The following TRERF1 variants were observed in gnomAD, a reference collection of about 807,000 sequenced individuals.
TRERF1 encodes the protein transcriptional regulating factor 1, also known as transcriptional-regulating factor 1.
TRERF1 carries 27 observed loss-of-function variants against 122.9 expected under a neutral mutation model. That is an observed-to-expected ratio of 0.22 (90% confidence interval 0.16 to 0.30). TRERF1 has a LOEUF of 0.30. Ranked by LOEUF, TRERF1 falls within the 10% of genes least tolerant of loss-of-function variation. The pLI, the probability that TRERF1 is intolerant of heterozygous loss-of-function variation, is 1.00. For missense variants in TRERF1, 1,248 were observed against 1,560.3 expected (o/e 0.80, Z 3.37); for synonymous variants, 636 against 641.7 (o/e 0.99, Z 0.13).
intron 2 of TRERF1, among the ~76,000 whole-genome samples, chr6:42,426,243 TAACTC>T (rs368984877): frequency 2.6e-5 from 4 of 152,278 alleles, no homozygotes; most frequent in African/African-American, 7.2e-5. Context: ...TGACATATCT[TAACTC>T]AGCAAGAAAT....
chr6:42,422,602 C>T (rs1262204114), intron 2 of TRERF1, among the ~76,000 whole-genome samples: 3 of 152,046 alleles, frequency 2.0e-5, no homozygotes, highest in African/African-American at 7.2e-5. Flanking sequence ...TACTCTGCTC[C>T]ACCTTCCACC....
chr6:42,362,147 C>T (rs1191367396), intron 3 of TRERF1, among the ~76,000 whole-genome samples: 3 of 152,198 alleles, frequency 2.0e-5, no homozygotes, highest in African/African-American at 4.8e-5. Context: ...CTTCAGTAGA[C>T]GCTCTTCAAT....
chr6:42,298,540 C>A, intron 4 of TRERF1, among the ~76,000 whole-genome samples: 1 of 151,442 alleles, frequency 6.6e-6, no homozygotes, highest in Non-Finnish European at 1.5e-5. Context: ...GGTGGTGGCT[C>A]ACGCCTGTAA....
chr6:42,287,510 C>T (rs921235420), intron 4 of TRERF1, among the ~76,000 whole-genome samples: 1 of 152,230 alleles, frequency 6.6e-6, no homozygotes, highest in South Asian at 2.1e-4. Context: ...GACCCTGACC[C>T]CTGCTTCACA....
chr6:42,259,820 A>T lies in TRERF1; in HGVS notation c.1885-97T>A. ...AGGGGGCCTTCTACTGTCTAAGCAGAGAGCCCTTCTGCTTGACCCCCCCAC... is the reference window on the plus strand; with the variant it reads ...AGGGGGCCTTCTACTGTCTAAGCAGTGAGCCCTTCTGCTTGACCCCCCCAC... On this transcript the variant is annotated intron_variant, in intron 8 of 17. Transcript: ENST00000372922. The surrounding 1 kb of genome is among the most constrained non-coding windows in gnomAD (Gnocchi z 4.9). The T allele has an allele frequency of 6.5e-7, 1 of 1,534,576 alleles. No individual in the cohort carries two copies. Among genetic ancestry groups the T allele is most frequent in the South Asian group, 1.2e-5 (1 of 81,922 alleles).
chr6:42,266,385 C>T (rs529028659), intron 5 of TRERF1, among the ~76,000 whole-genome samples: 3 of 152,184 alleles, frequency 2.0e-5, no homozygotes, highest in Non-Finnish European at 2.9e-5. Context: ...GGCAAGGTCT[C>T]GCTATGTTGC....
At chr6:42,428,888 C>A (rs1784054669) in intron 2 of TRERF1, among the ~76,000 whole-genome samples, 1 of 152,214 alleles carries the variant, frequency 6.6e-6, no homozygotes, top group African/African-American at 2.4e-5. Flanking sequence ...AGCAGGCCTT[C>A]CCACTTCCCA....
At position 42,423,486 on chromosome 6, in the gene TRERF1, G is replaced by A. The variant is rs1185188158; in HGVS notation, c.-454+27691C>T. Reference sequence around the variant, plus strand: ...TCCCCCTTACGGTGAAAGCAGCCCCGAGACAAGGAATCACACACCTGGCTG... The same window carrying A: ...TCCCCCTTACGGTGAAAGCAGCCCCAAGACAAGGAATCACACACCTGGCTG... On this transcript the variant is annotated intron_variant, in intron 2 of 17. Transcript: ENST00000372922. Among the ~76,000 whole-genome samples the A allele has an allele frequency of 2.0e-5, 3 of 151,866 alleles. No individual in the cohort carries two copies. The East Asian group carries it at 5.8e-4, about 29-fold the overall frequency.
chr6:42,267,229 G>A (rs1023437255), intron 5 of TRERF1, among the ~76,000 whole-genome samples: 11 of 152,182 alleles, frequency 7.2e-5, no homozygotes, highest in Non-Finnish European at 1.0e-4. Flanking sequence ...AGCTATGTGG[G>A]AGGGTGAAGT....
At chr6:42,256,796 A>G in exon 12 of TRERF1, 2 of 1,614,256 alleles carry the variant, frequency 1.2e-6, no homozygotes, top group Non-Finnish European at 1.7e-6. Context: ...CCACCTGGCA[A>G]TGCACTGGAA....
intron 3 of TRERF1, among the ~76,000 whole-genome samples, chr6:42,362,790 T>C (rs1772016884): frequency 6.6e-6 from 1 of 152,200 alleles, no homozygotes; most frequent in South Asian, 2.1e-4. Context: ...CTCCGCCCCA[T>C]TCCAGAAGCT....
rs1582387952 is a variant in TRERF1, at chr6:42,228,781, C to T, written c.3279-112G>A. The T allele has an allele frequency of 9.1e-7, 1 of 1,103,246 alleles. No individual in the cohort carries two copies. Among genetic ancestry groups the T allele is most frequent in the East Asian group, 2.4e-5 (1 of 42,128 alleles). 68.3% of individuals were successfully genotyped at this position (1,103,246 alleles called of 1,614,324 possible). A position where few individuals can be genotyped will look rare whatever the true frequency, so the allele number is the denominator to read the frequency against. On this transcript the variant is annotated intron_variant, in intron 17 of 17. Coordinates refer to ENST00000372922, the Ensembl canonical transcript of TRERF1. This position sits in a 1 kb window ranked among gnomAD's most constrained non-coding sequence, Gnocchi z 4.2. ...TGTGGTCTGACAAAGTCCCTGGCTG[C>T]TCGGCTTCTAGGACCTCCTTCCCCT... is the stretch of plus-strand genomic sequence containing the variant.
At chr6:42,446,462 T>C (rs552281301) in intron 2 of TRERF1, among the ~76,000 whole-genome samples, 1 of 152,278 alleles carries the variant, frequency 6.6e-6, no homozygotes, top group Non-Finnish European at 1.5e-5. Context: ...TCCATCCAAG[T>C]CACTGGACTT....
At chr6:42,256,797 T>C in exon 12 of TRERF1, 1 of 1,614,236 alleles carries the variant, frequency 6.2e-7, no homozygotes, top group Non-Finnish European at 8.5e-7. Context: ...CACCTGGCAA[T>C]GCACTGGAAC....
chr6:42,306,665 C>T (rs1053812483), intron 3 of TRERF1, among the ~76,000 whole-genome samples: 2 of 152,214 alleles, frequency 1.3e-5, no homozygotes, highest in African/African-American at 2.4e-5. Flanking sequence ...GGCCTTTGCA[C>T]ATGCCAGTCC....
intron 15 of TRERF1, among the ~76,000 whole-genome samples, chr6:42,241,968 G>A (rs1029757987): frequency 2.0e-5 from 3 of 152,182 alleles, no homozygotes; most frequent in Non-Finnish European, 2.9e-5. Context: ...TGTGGTGTGT[G>A]CCTGTAGTCC....
intron 13 of TRERF1, among the ~76,000 whole-genome samples, chr6:42,247,841 C>T (rs1775071145): frequency 6.6e-6 from 1 of 152,222 alleles, no homozygotes; most frequent in Non-Finnish European, 1.5e-5. Flanking sequence ...TTCTCCACAT[C>T]TCTGATTCTT....
chr6:42,368,744 T>G (rs192850578), intron 2 of TRERF1, among the ~76,000 whole-genome samples: 130 of 152,334 alleles, frequency 8.5e-4, no homozygotes, highest in Non-Finnish European at 3.8e-4. Context: ...AGTAATTATT[T>G]GATGTTTTAC....
At chr6:42,338,167 C>A (rs2150670457) in intron 3 of TRERF1, among the ~76,000 whole-genome samples, 1 of 152,268 alleles carries the variant, frequency 6.6e-6, no homozygotes, top group South Asian at 2.1e-4. Flanking sequence ...GGACCCAAAA[C>A]AATACCAAAC....
Sources: allele counts gnomAD v4.1 joint callset (sites outside exome capture counted in the v4.1 genomes callset), GRCh38; gene constraint gnomAD v4.1.1; non-coding constraint Gnocchi (gnomAD v3.1); transcripts MANE v1.5; gene names NCBI Gene and HGNC (gene_info 2026-07-23, HGNC 2026-07-21).